The following TMED3 variants were observed in gnomAD, a reference collection of about 807,000 sequenced individuals.
TMED3 encodes the protein transmembrane emp24 domain-containing protein 3.
Under a neutral mutation model 15.0 loss-of-function variants are expected in TMED3, and 9 were observed. The observed-to-expected ratio is 0.60, with a 90% CI of 0.36 to 1.04. The LOEUF is 1.04. Among genes scored for constraint, TMED3 ranks in the 50% least tolerant of loss-of-function variants. The pLI is 0.01. For missense variants in TMED3, 267 were observed against 278.9 expected, an observed-to-expected ratio of 0.96 and a Z score of 0.30; for synonymous variants, 117 against 121.4, an observed-to-expected ratio of 0.96 and a Z score of 0.24.
chr15:79,388,468 C>T (rs933052210), intron 2 of TMED3, among the ~76,000 whole-genome samples: 1 of 151,452 alleles, frequency 6.6e-6, no homozygotes, highest in Non-Finnish European at 1.5e-5. Flanking sequence ...TTTGTATATA[C>T]ATATACCACA....
chr15:79,331,542 C>CAAAAAAAAAAAAAAAAAAAAG (rs71451761), intron 2 of TMED3, among the ~76,000 whole-genome samples: 7 of 89,284 alleles, frequency 7.8e-5, no homozygotes, highest in African/African-American at 1.5e-4. Context: ...GCAAAAGAAG[C>CAAAAAAAAAAAAAAAAAAAAG]AAAAAAAAAA....
At position 79,352,655 on chromosome 15, in the gene TMED3, AT is replaced by A. The variant is rs1261462644; in HGVS notation, c.417+38652del. On this transcript the variant is annotated intron_variant, in intron 2 of 2. Coordinates refer to the TMED3 transcript ENST00000424155. ...TTCTCAAAGCGGAAAACACAAGGTC[AT>A]TAACTAAGAAAAAAAAAATATATAT... is the stretch of plus-strand genomic sequence containing the variant. Among the ~76,000 whole-genome samples, 5 of 98,648 alleles carry A rather than the reference AT, an allele frequency of 5.1e-5. No homozygotes were observed. The East Asian group carries it at 9.9e-4, about 19-fold the overall frequency. The allele number at this position is 98,648 out of a possible 152,430, so 64.7% of individuals were successfully genotyped here. A position where few individuals can be genotyped will look rare whatever the true frequency, so the allele number is the denominator to read the frequency against.
chr15:79,359,727 G>A lies in TMED3; in HGVS notation c.417+45722G>A, dbSNP rs573134619. On this transcript the variant is annotated intron_variant, in intron 2 of 2. Coordinates refer to the TMED3 transcript ENST00000424155. ...GTCTCAGAAAATGGAGAGAAAGCAC[G>A]TATAGTATCAAAAAGTTAACAATCA... Among the ~76,000 whole-genome samples, 20 of 152,280 alleles carry A rather than the reference G, an allele frequency of 1.3e-4. No homozygotes were observed. The South Asian group carries it at 1.5e-3, about 11-fold the overall frequency.
intron 2 of TMED3, among the ~76,000 whole-genome samples, chr15:79,394,071 A>G (rs986715506): frequency 6.6e-6 from 1 of 152,158 alleles, no homozygotes; most frequent in African/African-American, 2.4e-5. Context: ...CTGAGGGAGA[A>G]TTCACACCAA....
At chr15:79,345,817 T>C (rs916168087) in intron 2 of TMED3, among the ~76,000 whole-genome samples, 1 of 152,194 alleles carries the variant, frequency 6.6e-6, no homozygotes, top group African/African-American at 2.4e-5. Flanking sequence ...GCATCTGTTA[T>C]TTTTTCCCTT....
chr15:79,331,405 A>G (rs950313493), intron 2 of TMED3, among the ~76,000 whole-genome samples: 1 of 78,016 alleles, frequency 1.3e-5, no homozygotes, highest in Admixed American at 1.5e-4. Flanking sequence ...ACAAAAATCC[A>G]CTCAAAATGA....
chr15:79,390,236 GGCTTTTATTACATTGAGCTATGTCACTT>G (rs1288196536), intron 2 of TMED3, among the ~76,000 whole-genome samples: 2 of 152,158 alleles, frequency 1.3e-5, no homozygotes, highest in African/African-American at 4.8e-5. Flanking sequence ...TGTCATGGAC[GGCTTTTATTACATTGAGCTATGTCACTT>G]GTATGCTGAT....
chr15:79,327,044 C>G (rs2141221193), downstream of TMED3, among the ~76,000 whole-genome samples: 1 of 152,184 alleles, frequency 6.6e-6, no homozygotes, highest in East Asian at 1.9e-4. Flanking sequence ...TAGCAACCAG[C>G]TCTTGTGGGA....
intron 2 of TMED3, among the ~76,000 whole-genome samples, chr15:79,341,134 C>T (rs1033052177): frequency 9.7e-5 from 12 of 123,806 alleles, no homozygotes; most frequent in African/African-American, 3.8e-4. Flanking sequence ...ACAGGGGCTT[C>T]AGTGAGCTGC....
At chr15:79,349,897 T>G (rs770249958) in intron 2 of TMED3, among the ~76,000 whole-genome samples, 40 of 152,210 alleles carry the variant, frequency 2.6e-4, no homozygotes, top group Non-Finnish European at 5.4e-4. Context: ...TCAGAAAGCT[T>G]CTCTGACCAC....
intron 2 of TMED3, among the ~76,000 whole-genome samples, chr15:79,350,968 A>G (rs2058889239): frequency 6.6e-6 from 1 of 152,152 alleles, no homozygotes; most frequent in Non-Finnish European, 1.5e-5. Context: ...TAGAAGAGAT[A>G]TGGGTTATGG....
At chr15:79,357,448 G>A (rs1305378488) in intron 2 of TMED3, among the ~76,000 whole-genome samples, 1 of 116,864 alleles carries the variant, frequency 8.6e-6, no homozygotes, top group Non-Finnish European at 1.6e-5. Context: ...TTGTGCCACT[G>A]CACTCCACCC....
chr15:79,357,339 G>T (rs183573128), intron 2 of TMED3, among the ~76,000 whole-genome samples: 264 of 149,964 alleles, frequency 1.8e-3, no homozygotes, highest in Non-Finnish European at 3.1e-3. Flanking sequence ...AAAAAAAATT[G>T]CCAAGCATGG....
chr15:79,397,240 C>G (rs1893773422), intron 2 of TMED3, among the ~76,000 whole-genome samples: 1 of 152,222 alleles, frequency 6.6e-6, no homozygotes, highest in Non-Finnish European at 1.5e-5. Context: ...AACTTCGTTC[C>G]TGGTTCACAG....
intron 2 of TMED3, among the ~76,000 whole-genome samples, chr15:79,365,966 A>T (rs577163646): frequency 8.5e-5 from 13 of 152,294 alleles, no homozygotes; most frequent in Middle Eastern, 3.4e-3. Flanking sequence ...GTGGAGTCCT[A>T]ATTAGGGAAA....
intron 2 of TMED3, among the ~76,000 whole-genome samples, chr15:79,376,285 C>A (rs939725074): frequency 6.6e-6 from 1 of 151,772 alleles, no homozygotes; most frequent in Non-Finnish European, 1.5e-5. Flanking sequence ...AGATCAGAAC[C>A]CTGTTTGATA....
chr15:79,402,917 C>T (rs7176546), intron 2 of TMED3, among the ~76,000 whole-genome samples: 1 of 151,948 alleles, frequency 6.6e-6, no homozygotes. Context: ...GTGAAGGAGT[C>T]TCATCAAGAC....
At chr15:79,360,549 C>T (rs1461357312) in intron 2 of TMED3, among the ~76,000 whole-genome samples, 2 of 152,220 alleles carry the variant, frequency 1.3e-5, no homozygotes, top group Non-Finnish European at 2.9e-5. Context: ...CAAATTTACT[C>T]ATGTATTCCT....
At chr15:79,411,264 C>T (rs1438060775) in intron 2 of TMED3, 1 of 560,798 alleles carries the variant, frequency 1.8e-6, no homozygotes, top group African/African-American at 1.9e-5. Context: ...TTAGAGCCAG[C>T]AATAAAGGTA....
Sources: gnomAD v4.1 joint callset for allele counts (sites outside exome capture counted in the v4.1 genomes callset) on GRCh38, gnomAD v4.1.1 for gene constraint, MANE v1.5 for transcripts, NCBI Gene and HGNC (gene_info 2026-07-23, HGNC 2026-07-21) for gene names.